DLG2: variants seen among roughly 807,000 people sequenced by gnomAD.
DLG2 encodes the protein discs large MAGUK scaffold protein 2, also known as disks large homolog 2.
Under a neutral mutation model 132.5 loss-of-function variants are expected in DLG2, and 45 were observed. That is an observed-to-expected ratio of 0.34 (90% CI 0.27 to 0.44). The LOEUF is 0.44. Among genes scored for constraint, DLG2 ranks in the 20% least tolerant of loss-of-function variants. The pLI, the probability that DLG2 is intolerant of heterozygous loss-of-function variation, is 1.00. For missense variants in DLG2, 1,045 were observed against 1,196.9 expected, an observed-to-expected ratio of 0.87 and a Z score of 1.87; for synonymous variants, 424 against 419.6, an observed-to-expected ratio of 1.01 and a Z score of -0.13.
intron 4 of DLG2, among the ~76,000 whole-genome samples, chr11:85,243,529 T>C (rs1448460663): frequency 6.6e-6 from 1 of 151,994 alleles, no homozygotes; most frequent in Non-Finnish European, 1.5e-5. Flanking sequence ...CTATAGCTTA[T>C]TTACCAGCTG....
At chr11:85,027,110 C>T (rs1437404608) in intron 6 of DLG2, among the ~76,000 whole-genome samples, 2 of 142,008 alleles carry the variant, frequency 1.4e-5, no homozygotes, top group Non-Finnish European at 3.0e-5. Context: ...CTGAGTTAGA[C>T]AGAAGCTCAT....
At chr11:85,384,652 T>A (rs1289776639) in intron 3 of DLG2, among the ~76,000 whole-genome samples, 2 of 152,216 alleles carry the variant, frequency 1.3e-5, no homozygotes, top group Non-Finnish European at 2.9e-5. Context: ...CACTGCAACC[T>A]CCACCTCCTG....
chr11:85,233,424 C>T (rs1362490962), intron 4 of DLG2, among the ~76,000 whole-genome samples: 1 of 151,904 alleles, frequency 6.6e-6, no homozygotes, highest in Non-Finnish European at 1.5e-5. Flanking sequence ...GAGTCAGCCT[C>T]ACTGTTTACT....
chr11:84,799,192 A>C (rs76255339), intron 6 of DLG2, among the ~76,000 whole-genome samples: 13,728 of 152,156 alleles, frequency 0.09, 683 homozygotes, highest in Non-Finnish European at 0.12. Context: ...ATGATCCCAG[A>C]GCACTTTATC....
chr11:84,422,535 A>G (rs1021216809), intron 7 of DLG2, among the ~76,000 whole-genome samples: 5 of 152,194 alleles, frequency 3.3e-5, no homozygotes, highest in African/African-American at 1.2e-4. Flanking sequence ...CAAAATTTAT[A>G]AAGACAGTTG....
chr11:84,862,491 A>C (rs547691740), intron 6 of DLG2, among the ~76,000 whole-genome samples: 60 of 152,282 alleles, frequency 3.9e-4, no homozygotes, highest in African/African-American at 1.4e-3. Context: ...AAGGATTATA[A>C]ATCATTCTAC....
At chr11:83,819,894 C>T (rs1156640131) in intron 17 of DLG2, among the ~76,000 whole-genome samples, 1 of 152,074 alleles carries the variant, frequency 6.6e-6, no homozygotes, top group African/African-American at 2.4e-5. Context: ...ATCAGAGCTC[C>T]CAGCTGATTC....
At chr11:85,576,848 G>C (rs886873302) in intron 3 of DLG2, among the ~76,000 whole-genome samples, 3 of 152,010 alleles carry the variant, frequency 2.0e-5, no homozygotes, top group Non-Finnish European at 4.4e-5. Flanking sequence ...ACGGGAGAAG[G>C]GTGGCTATTT....
intron 9 of DLG2, among the ~76,000 whole-genome samples, chr11:84,159,951 G>A (rs1000917543): frequency 6.6e-6 from 1 of 152,132 alleles, no homozygotes; most frequent in Non-Finnish European, 1.5e-5. Context: ...AAATAATATG[G>A]GAAATGATAG....
intron 27 of DLG2, 118 bp downstream of exon 27, chr11:83,461,884 A>T: frequency 1.4e-6 from 1 of 700,694 alleles, no homozygotes; most frequent in Non-Finnish European, 2.6e-6. Context: ...AACAGATATT[A>T]GGGATTCTCA....
chr11:85,128,448 C>A (rs929342780), intron 5 of DLG2, among the ~76,000 whole-genome samples: 3 of 152,076 alleles, frequency 2.0e-5, no homozygotes, highest in South Asian at 2.1e-4. Flanking sequence ...CCTTTGGGTG[C>A]CCATGGTCAG....
At chr11:84,009,630 A>C (rs1423501373) in intron 11 of DLG2, among the ~76,000 whole-genome samples, 1 of 152,094 alleles carries the variant, frequency 6.6e-6, no homozygotes, top group African/African-American at 2.4e-5. Flanking sequence ...TGGGTGGGTG[A>C]CCAAGTTAAT....
intron 3 of DLG2, among the ~76,000 whole-genome samples, chr11:85,430,265 A>C (rs2091079741): frequency 6.6e-6 from 1 of 151,862 alleles, no homozygotes; most frequent in Non-Finnish European, 1.5e-5. Flanking sequence ...TGACGAGTTG[A>C]TGGGTGCAGC....
At chr11:85,072,330 T>C (rs558683839) in intron 6 of DLG2, among the ~76,000 whole-genome samples, 11 of 151,918 alleles carry the variant, frequency 7.2e-5, no homozygotes, top group African/African-American at 2.4e-4. Context: ...ATGTATAAAT[T>C]CTTTGAGTCC....
chr11:84,043,101 A>G (rs956551801), intron 11 of DLG2, among the ~76,000 whole-genome samples: 4 of 151,594 alleles, frequency 2.6e-5, no homozygotes, highest in African/African-American at 9.7e-5. Context: ...GCCTAAATAA[A>G]TTAATTAAAA....
intron 6 of DLG2, among the ~76,000 whole-genome samples, chr11:84,904,275 C>T (rs1439508797): frequency 6.6e-6 from 1 of 152,120 alleles, no homozygotes; most frequent in East Asian, 1.9e-4. Context: ...TGATACACTT[C>T]CTTTTCTTCA....
chr11:83,960,844 G>C (rs139176194), intron 14 of DLG2, among the ~76,000 whole-genome samples: 1 of 152,112 alleles, frequency 6.6e-6, no homozygotes, highest in East Asian at 1.9e-4. Context: ...ACAATGGTAA[G>C]AGAGTGGTGG....
chr11:83,466,180 A>T (rs1417673843), intron 26 of DLG2, among the ~76,000 whole-genome samples: 1 of 152,250 alleles, frequency 6.6e-6, no homozygotes, highest in Non-Finnish European at 1.5e-5. Flanking sequence ...ATTAAGGAAC[A>T]TCAGAATTCT....
At chr11:85,250,186 T>C (rs2076329409) in intron 4 of DLG2, among the ~76,000 whole-genome samples, 1 of 152,138 alleles carries the variant, frequency 6.6e-6, no homozygotes, top group African/African-American at 2.4e-5. Flanking sequence ...GGCACAAAAT[T>C]CTAAAGTCAA....
Sources: gnomAD v4.1 joint callset for allele counts (sites outside exome capture counted in the v4.1 genomes callset) on GRCh38, gnomAD v4.1.1 for gene constraint, MANE v1.5 for transcripts, NCBI Gene and HGNC (gene_info 2026-07-23, HGNC 2026-07-21) for gene names.